PALB2: variants seen among roughly 807,000 people sequenced by gnomAD.
PALB2 encodes the protein partner and localizer of BRCA2, also known as mutant partner and localizer of BRCA2.
PALB2 carries 82 observed loss-of-function variants against 107.4 expected under a neutral mutation model. The ratio of observed to expected loss-of-function variants is 0.76; its 90% CI spans 0.64 to 0.92. The LOEUF (loss-of-function observed/expected upper bound fraction) is 0.92, where lower values mean the gene tolerates loss of function less well. Ranked by LOEUF, PALB2 falls within the 40% of genes least tolerant of loss-of-function variation. The probability of loss-of-function intolerance (pLI) is 0.00; values close to 1 mark genes in which losing one functional copy is unlikely to be tolerated. For missense variants in PALB2, 1,374 were observed against 1,379.9 expected (o/e 1.00, Z 0.07); for synonymous variants, 489 against 496.8 (o/e 0.98, Z 0.21).
At position 23,629,985 on chromosome 16, in the gene PALB2, C is replaced by G. The variant is rs2142379245; in HGVS notation, c.2169G>C (p.Met723Ile). The stretch of plus-strand genomic sequence containing the variant: ...CTAAGATGGGGAAAGCAGGTGAACA[C>G]ATGTCTGTGGTAGGCCTGTCATTAT... ...PDDNDRPTTD[M>I]CSPAFPILGT... Residue 723 changes from methionine to isoleucine, a missense_variant, in exon 5 of 13, where the codon ATG (methionine) becomes ATC (isoleucine). Physicochemically the swap from Met to Ile is conservative, Grantham distance 10. Transcript: ENST00000261584. 6.2e-7 allele frequency: 1 copy of G among 1,614,142 alleles called. No homozygotes were observed. Among genetic ancestry groups the G allele is most frequent in the Non-Finnish European group, 8.5e-7 (1 of 1,180,036 alleles).
At chr16:23,622,387 TTGTGTGTG>T (rs142078087) in intron 9 of PALB2, among the ~76,000 whole-genome samples, 1 of 148,822 alleles carries the variant, frequency 6.7e-6, no homozygotes, top group Non-Finnish European at 1.5e-5. Flanking sequence ...TTAAAAATAT[TTGTGTGTG>T]TGTGTGTGTG....
chr16:23,604,017 T>A (rs1394641565), intron 12 of PALB2, among the ~76,000 whole-genome samples: 1 of 152,230 alleles, frequency 6.6e-6, no homozygotes. Context: ...CCCCAGCTCT[T>A]AGCATGGCTG....
chr16:23,638,159 G>A (rs2142461637), intron 1 of PALB2, 30 bp from the exon 2 acceptor site: 1 of 1,592,156 alleles, frequency 6.3e-7, no homozygotes, highest in Non-Finnish European at 8.6e-7. Flanking sequence ...AACAATACTG[G>A]GCAAGTGGAA....
chr16:23,628,849 G>A (rs1335765422), intron 6 of PALB2, among the ~76,000 whole-genome samples: 2 of 152,064 alleles, frequency 1.3e-5, no homozygotes, highest in East Asian at 3.9e-4. Context: ...GGCCAGGCTG[G>A]CCTCAAACAT....
At chr16:23,610,521 A>G (rs1966565967) in intron 11 of PALB2, among the ~76,000 whole-genome samples, 1 of 151,248 alleles carries the variant, frequency 6.6e-6, no homozygotes, top group Admixed American at 6.6e-5. Context: ...GTTGGCCAGG[A>G]TGGTCTCAAT....
intron 12 of PALB2, among the ~76,000 whole-genome samples, chr16:23,603,908 C>T (rs1021342527): frequency 6.6e-6 from 1 of 152,140 alleles, no homozygotes; most frequent in East Asian, 1.9e-4. Context: ...TGAAGGCTGG[C>T]GCACAGTGGC....
At chr16:23,639,517 GAAAAAAAAA>G (rs1186283940) in intron 1 of PALB2, among the ~76,000 whole-genome samples, 1 of 43,750 alleles carries the variant, frequency 2.3e-5, no homozygotes, top group Non-Finnish European at 4.4e-5. Flanking sequence ...GACTCTGCTT[GAAAAAAAAA>G]AAAAAAAAAA....
chr16:23,636,484 T>C, intron 3 of PALB2, 150 bp from the exon 4 acceptor site: 1 of 638,830 alleles, frequency 1.6e-6, no homozygotes. Flanking sequence ...AATTTACAGG[T>C]GAAATAAACC....
In PALB2 at chr16:23,632,819, C is replaced by A. The variant is rs533719755; in HGVS notation, c.1684+2043G>T. 1.1e-4 allele frequency among the ~76,000 whole-genome samples: 17 copies of A among 152,296 alleles called. No individual in the cohort carries two copies. The East Asian group carries it at 3.1e-3, about 28-fold the overall frequency. On this transcript the variant is annotated intron_variant, in intron 4 of 12. Transcript: ENST00000261584. ...AGACTATTTCAAACTACTGGCTGGG[C>A]CTGGTGGCTCACGCCTGTAATCCCA... is the stretch of plus-strand genomic sequence containing the variant.
rs1484403594 is a variant in PALB2, at chr16:23,636,229, G to A, written c.317C>T (p.Ser106Phe). The A allele has an allele frequency of 1.2e-6, 2 of 1,613,680 alleles. No homozygotes were observed. Among genetic ancestry groups the A allele is most frequent in the Non-Finnish European group, 1.7e-6 (2 of 1,179,942 alleles). Residue 106 changes from serine to phenylalanine, a missense_variant, in exon 4 of 13, where the codon TCC becomes TTC. Transcript: ENST00000261584. ...TSITLDVGPE[S>F]FNPGDGPGGL... is the part of the protein sequence containing the mutation. ...TCCTGGGCCATCTCCAGGGTTAAAG[G>A]ACTCAGGCCCAACATCAAGTGTGAT...
At chr16:23,608,239 G>C (rs1359141779) in intron 11 of PALB2, among the ~76,000 whole-genome samples, 1 of 150,004 alleles carries the variant, frequency 6.7e-6, no homozygotes, top group Non-Finnish European at 1.5e-5. Flanking sequence ...TTTTTTTTTA[G>C]AGACAAGGCC....
intron 12 of PALB2, chr16:23,607,233 G>A (rs1328624949): frequency 6.6e-6 from 1 of 151,832 alleles, no homozygotes; most frequent in African/African-American, 2.4e-5. Context: ...TAGGTTTAGG[G>A]AAAGAACACA....
At chr16:23,621,250 C>T in intron 10 of PALB2, 112 bp downstream of exon 10, 2 of 798,224 alleles carry the variant, frequency 2.5e-6, no homozygotes, top group East Asian at 2.7e-5. Flanking sequence ...CACAAAACCA[C>T]AATCATGTTT....
rs1597088078 is a variant in PALB2 at position 23,629,201 on chromosome 16, G to A, written c.2586+3C>T. 2 of 1,607,406 alleles carry A rather than the reference G, an allele frequency of 1.2e-6. No individual in the cohort carries two copies. The highest frequency in any genetic ancestry group is 1.7e-6 in the Non-Finnish European group (2 of 1,174,358). On this transcript the variant is annotated splice_donor_region_variant and intron_variant, in intron 6 of 12. Coordinates refer to ENST00000261584, the MANE Select transcript of PALB2 (RefSeq NM_024675.4). ...AGACACTGGAAGAGAATATTCTTCT[G>A]ACCTTTAACTCTGAAACCAATTGTA...
At chr16:23,638,748 TGAGA>T (rs1241872681) in intron 1 of PALB2, among the ~76,000 whole-genome samples, 1 of 152,128 alleles carries the variant, frequency 6.6e-6, no homozygotes, top group Non-Finnish European at 1.5e-5. Flanking sequence ...CAGAGTGATA[TGAGA>T]GAGTTACTGG....
chr16:23,626,562 A>G (rs960757545), intron 6 of PALB2, among the ~76,000 whole-genome samples, 165 bp from the exon 7 acceptor site: 43 of 152,206 alleles, frequency 2.8e-4, no homozygotes, highest in Non-Finnish European at 5.7e-4. Context: ...ATGTACCTAA[A>G]AAAATGCCTA....
Position 23,641,228 on chromosome 16 carries a change from C to T in PALB2, c.-71G>A, listed in dbSNP as rs2140961157. The T allele has an allele frequency of 6.3e-7, 1 of 1,576,244 alleles. No individual in the cohort carries two copies. The highest frequency in any genetic ancestry group is 8.6e-7 in the Non-Finnish European group (1 of 1,159,020). On this transcript the variant is annotated 5_prime_UTR_variant, in exon 1 of 13. Transcript: ENST00000261584. ...CCTGCCGACACCGGGACCCAGTTGG[C>T]CCTGGGCCGGGGAGGCGCCCCAGGA...
At chr16:23,623,916 C>G (rs971415626) in intron 8 of PALB2, 93 bp downstream of exon 8, 1 of 826,714 alleles carries the variant, frequency 1.2e-6, no homozygotes, top group Admixed American at 2.0e-5. Context: ...CAGATTCTTT[C>G]AAGACTCAAG....
At chr16:23,604,640 C>T (rs1354930538) in intron 12 of PALB2, among the ~76,000 whole-genome samples, 1 of 152,026 alleles carries the variant, frequency 6.6e-6, no homozygotes, top group Non-Finnish European at 1.5e-5. Flanking sequence ...GTGGCACATG[C>T]CTGTAATCCC....
Sources: allele counts gnomAD v4.1 joint callset (sites outside exome capture counted in the v4.1 genomes callset), GRCh38; gene constraint gnomAD v4.1.1; transcripts MANE v1.5; gene names NCBI Gene and HGNC (gene_info 2026-07-23, HGNC 2026-07-21).